TMC1: variants seen among roughly 807,000 people sequenced by gnomAD.
The protein encoded by TMC1 is transmembrane channel-like protein 1.
A neutral mutation model predicts 105.8 loss-of-function variants in TMC1; 84 were observed. The ratio of observed to expected loss-of-function variants is 0.79; its 90% CI spans 0.67 to 0.95. The LOEUF (loss-of-function observed/expected upper bound fraction) is 0.95, where lower values mean the gene tolerates loss of function less well. Ranked by LOEUF, TMC1 falls within the 40% of genes least tolerant of loss-of-function variation. TMC1 has a pLI of 0.00. For synonymous variants in TMC1, 315 were observed against 311.5 expected (o/e 1.01, Z -0.12); for missense variants, 817 against 914.1 (o/e 0.89, Z 1.37).
At chr9:72,795,946 G>T (rs1828357989) in intron 17 of TMC1, among the ~76,000 whole-genome samples, 1 of 151,194 alleles carries the variant, frequency 6.6e-6, no homozygotes, top group Admixed American at 6.6e-5. Context: ...AAAATAAAGG[G>T]ATGGAAGAAA....
chr9:72,534,578 C>A (rs1233038513), intron 1 of TMC1, among the ~76,000 whole-genome samples: 4 of 152,080 alleles, frequency 2.6e-5, no homozygotes, highest in African/African-American at 9.7e-5. Flanking sequence ...GTATCTGAAT[C>A]TATATATTAT....
intron 1 of TMC1, among the ~76,000 whole-genome samples, chr9:72,536,675 A>G (rs1353284124): frequency 6.6e-6 from 1 of 152,100 alleles, no homozygotes; most frequent in Non-Finnish European, 1.5e-5. Flanking sequence ...CTTTGATTCC[A>G]TATACCACAT....
At chr9:72,696,088 C>G (rs1826546078) in intron 7 of TMC1, among the ~76,000 whole-genome samples, 1 of 152,104 alleles carries the variant, frequency 6.6e-6, no homozygotes, top group Non-Finnish European at 1.5e-5. Context: ...AGGTTGTGTT[C>G]CAAAATTTGC....
intron 8 of TMC1, among the ~76,000 whole-genome samples, chr9:72,739,132 G>T (rs1341457691): frequency 1.3e-5 from 2 of 152,170 alleles, no homozygotes; most frequent in East Asian, 1.9e-4. Context: ...GTCTAAAATC[G>T]AAGTGCCAGC....
chr9:72,577,567 T>G (rs542384534), intron 1 of TMC1, among the ~76,000 whole-genome samples: 1 of 151,936 alleles, frequency 6.6e-6, no homozygotes, highest in East Asian at 1.9e-4. Context: ...CAGCTAACCT[T>G]TAGGCCAAAA....
At chr9:72,711,345 T>A (rs1436746930) in intron 8 of TMC1, among the ~76,000 whole-genome samples, 1 of 152,238 alleles carries the variant, frequency 6.6e-6, no homozygotes. Flanking sequence ...ATTGCCACAC[T>A]GTCTTCCACA....
chr9:72,801,208 G>A (rs1188193711), intron 17 of TMC1, among the ~76,000 whole-genome samples: 3 of 152,156 alleles, frequency 2.0e-5, no homozygotes, highest in Non-Finnish European at 2.9e-5. Flanking sequence ...ATCCCCAATG[G>A]ATTTGATAGG....
chr9:72,549,975 G>A (rs13289161), intron 1 of TMC1, among the ~76,000 whole-genome samples: 16,963 of 151,236 alleles, frequency 0.11, 1,423 homozygotes, highest in African/African-American at 0.23. Flanking sequence ...CTCGAGCTCC[G>A]GACCTCAGGC....
chr9:72,539,759 G>T (rs1023847513), intron 1 of TMC1, among the ~76,000 whole-genome samples: 8 of 152,080 alleles, frequency 5.3e-5, no homozygotes, highest in Admixed American at 2.0e-4. Context: ...ATTTTCAGTT[G>T]TCTTTACAGC....
chr9:72,835,934 T>TA lies in TMC1; in HGVS notation c.2261-17_2261-16insA. 2 of 1,565,842 alleles carry TA rather than the reference T, an allele frequency of 1.3e-6. No homozygotes were observed. The highest frequency in any genetic ancestry group is 1.7e-6 in the Non-Finnish European group (2 of 1,162,656). ...CTCCTTGTTTTTTTTTTTTTTTTTT[T>TA]TCTGTTTTGTGAACAGCTGCAGCTG... On this transcript the variant is annotated splice_polypyrimidine_tract_variant and intron_variant, in intron 23 of 23. Transcript: ENST00000297784.
intron 1 of TMC1, among the ~76,000 whole-genome samples, chr9:72,541,091 A>G (rs900077652): frequency 7.2e-5 from 11 of 152,052 alleles, no homozygotes; most frequent in African/African-American, 2.7e-4. Context: ...CTCAATGCCA[A>G]ATTGTTCTTC....
chr9:72,628,075 A>G lies in TMC1; in HGVS notation c.-53+12A>G, dbSNP rs909237916. 2 of 455,594 alleles carry G rather than the reference A, an allele frequency of 4.4e-6. No homozygotes were observed. The highest frequency in any genetic ancestry group is 8.8e-6 in the Non-Finnish European group (2 of 226,794). 28.2% of individuals were successfully genotyped at this position (455,594 alleles called of 1,614,324 possible). A position where few individuals can be genotyped will look rare whatever the true frequency, so the allele number is the denominator to read the frequency against. On this transcript the variant is annotated intron_variant, in intron 4 of 23. Coordinates refer to ENST00000297784, the MANE Select transcript of TMC1 (RefSeq NM_138691.3). ...CTGCAGAAGGGAAGGTAGTGAGGAG[A>G]CAGTTAAATATTGAGCACGTTTTGG...
chr9:72,791,617 G>A (rs1472630872), intron 15 of TMC1, among the ~76,000 whole-genome samples: 1 of 152,202 alleles, frequency 6.6e-6, no homozygotes, highest in Non-Finnish European at 1.5e-5. Context: ...TGTAGAGACT[G>A]ATGTAAATTG....
At chr9:72,546,300 A>T (rs10120875) in intron 1 of TMC1, among the ~76,000 whole-genome samples, 79,637 of 151,920 alleles carry the variant, frequency 0.52, 21,820 homozygotes, top group African/African-American at 0.69. Flanking sequence ...AAAAAATATA[A>T]AAATAAATAA....
chr9:72,717,143 A>C (rs1245587608), intron 8 of TMC1, among the ~76,000 whole-genome samples: 1 of 152,342 alleles, frequency 6.6e-6, no homozygotes, highest in Admixed American at 6.5e-5. Context: ...TTGGAAATGC[A>C]GAAATCACCC....
intron 17 of TMC1, among the ~76,000 whole-genome samples, chr9:72,798,051 G>A (rs548482636): frequency 2.0e-5 from 3 of 152,186 alleles, no homozygotes; most frequent in Non-Finnish European, 2.9e-5. Flanking sequence ...TAAAAAGTGG[G>A]CAAAGGACAT....
intron 18 of TMC1, among the ~76,000 whole-genome samples, chr9:72,806,806 C>A (rs981616538): frequency 7.2e-5 from 11 of 151,908 alleles, no homozygotes; most frequent in Admixed American, 5.9e-4. Context: ...AGGGGCTCCT[C>A]ACATCCCAGA....
chr9:72,791,849 A>G, intron 15 of TMC1, 37 bp from the exon 16 acceptor site: 1 of 1,574,682 alleles, frequency 6.4e-7, no homozygotes, highest in Non-Finnish European at 8.7e-7. Context: ...AACTTTAAAC[A>G]CCATTAACCT....
chr9:72,578,953 A>G (rs1204361563), intron 2 of TMC1, among the ~76,000 whole-genome samples: 1 of 152,120 alleles, frequency 6.6e-6, no homozygotes, highest in Non-Finnish European at 1.5e-5. Context: ...AGTTTCTACT[A>G]TTGTGGTTGG....
Sources: gnomAD v4.1 joint callset for allele counts (sites outside exome capture counted in the v4.1 genomes callset) on GRCh38, gnomAD v4.1.1 for gene constraint, MANE v1.5 for transcripts, NCBI Gene and HGNC (gene_info 2026-07-23, HGNC 2026-07-21) for gene names.